TNNI3K: variants seen among roughly 807,000 people sequenced by gnomAD.
TNNI3K encodes the protein serine/threonine-protein kinase TNNI3K.
TNNI3K carries 140 observed loss-of-function variants against 114.5 expected under a neutral mutation model. The ratio of observed to expected loss-of-function variants is 1.22; its 90% CI spans 1.07 to 1.41. The LOEUF is 1.41. TNNI3K is among the 40% of genes most tolerant of loss of function. The pLI, the probability that TNNI3K is intolerant of heterozygous loss-of-function variation, is 0.00. For missense variants in TNNI3K, 1,125 were observed against 1,007.6 expected, an observed-to-expected ratio of 1.12 and a Z score of -1.58; for synonymous variants, 347 against 347.5, an observed-to-expected ratio of 1.00 and a Z score of 0.02.
At chr1:74,437,308 C>T (rs1344167263) in intron 19 of TNNI3K, among the ~76,000 whole-genome samples, 3 of 152,064 alleles carry the variant, frequency 2.0e-5, no homozygotes, top group Non-Finnish European at 4.4e-5. Flanking sequence ...AACTCCAGTC[C>T]TCTCTTCTTG....
At chr1:74,367,037 C>T (rs1294101368) in intron 11 of TNNI3K, among the ~76,000 whole-genome samples, 1 of 151,988 alleles carries the variant, frequency 6.6e-6, no homozygotes, top group Admixed American at 6.6e-5. Flanking sequence ...CACCAGTACC[C>T]ATTCCCAGTA....
intron 21 of TNNI3K, among the ~76,000 whole-genome samples, chr1:74,478,769 T>C (rs1394769834): frequency 6.6e-6 from 1 of 152,236 alleles, no homozygotes; most frequent in African/African-American, 2.4e-5. Context: ...TGTGTTTTTA[T>C]TGGGATATCT....
intron 17 of TNNI3K, among the ~76,000 whole-genome samples, chr1:74,395,664 C>T (rs915831507): frequency 6.6e-6 from 1 of 152,130 alleles, no homozygotes; most frequent in African/African-American, 2.4e-5. Context: ...TATGTCCTCC[C>T]ACAAGGGAAA....
At position 74,540,276 on chromosome 1, in the gene TNNI3K, G is replaced by A. The variant is rs201613442; in HGVS notation, c.2394G>A (p.Met798Ile). 6.2e-7 allele frequency: 1 copy of A among 1,612,744 alleles called. No homozygotes were observed. Among genetic ancestry groups the A allele is most frequent in the Non-Finnish European group, 8.5e-7 (1 of 1,179,224 alleles). ...YSSQGLSLEEMKRSLQYTPID... is the reference protein window; with the variant it reads ...YSSQGLSLEEIKRSLQYTPID... ...CTCAAGGTCTGTCTTTGGAGGAGAT[G>A]AAAAGAAGTCTTCAATACACACCCA... The change falls in exon 24 of 25, where the codon ATG (methionine) becomes ATA (isoleucine). Residue 798 changes from methionine (M) to isoleucine (I), a missense_variant. Coordinates refer to ENST00000326637, the MANE Select transcript of TNNI3K (RefSeq NM_015978.3).
At chr1:74,501,776 C>T (rs953549873) in intron 23 of TNNI3K, among the ~76,000 whole-genome samples, 88 of 152,078 alleles carry the variant, frequency 5.8e-4, no homozygotes, top group African/African-American at 2.0e-3. Flanking sequence ...CATGAGCCAC[C>T]GCATCCGGCC....
chr1:74,492,056 TG>T, intron 22 of TNNI3K, 40 bp from the exon 23 acceptor site: 1 of 1,452,602 alleles, frequency 6.9e-7, no homozygotes, highest in East Asian at 2.4e-5. Context: ...TCACACCTGT[TG>T]GAAGTATTAA....
At chr1:74,352,903 C>G (rs980938336) in intron 9 of TNNI3K, among the ~76,000 whole-genome samples, 1 of 152,284 alleles carries the variant, frequency 6.6e-6, no homozygotes, top group African/African-American at 2.4e-5. Flanking sequence ...ATTCCCTGAC[C>G]CTTTGCGCTT....
chr1:74,419,819 G>C (rs970380688), intron 17 of TNNI3K, among the ~76,000 whole-genome samples: 1 of 152,052 alleles, frequency 6.6e-6, no homozygotes, highest in Non-Finnish European at 1.5e-5. Context: ...AGCTAAATAT[G>C]CTTTCATTTA....
intron 17 of TNNI3K, among the ~76,000 whole-genome samples, chr1:74,433,640 G>A (rs531431522): frequency 8.0e-4 from 122 of 152,164 alleles, no homozygotes; most frequent in Admixed American, 2.0e-3. Context: ...AACTCTCATT[G>A]TCCTGTGTTC....
chr1:74,531,041 A>G (rs1646575973), intron 23 of TNNI3K, among the ~76,000 whole-genome samples: 1 of 152,118 alleles, frequency 6.6e-6, no homozygotes, highest in Admixed American at 6.5e-5. Flanking sequence ...GGAAGCTGAG[A>G]CCTTGGATAT....
intron 23 of TNNI3K, among the ~76,000 whole-genome samples, chr1:74,528,813 T>C (rs1415612583): frequency 1.3e-5 from 2 of 152,212 alleles, no homozygotes; most frequent in East Asian, 1.9e-4. Flanking sequence ...ACCTGGCACC[T>C]TGATCCTCAT....
At chr1:74,322,506 G>T (rs1659674256) in intron 5 of TNNI3K, among the ~76,000 whole-genome samples, 1 of 149,482 alleles carries the variant, frequency 6.7e-6, no homozygotes, top group Non-Finnish European at 1.5e-5. Context: ...TGTTGCCCAG[G>T]CTGGAGTGCA....
intron 23 of TNNI3K, among the ~76,000 whole-genome samples, chr1:74,499,219 AC>A (rs1302350277): frequency 6.6e-6 from 1 of 152,116 alleles, no homozygotes; most frequent in African/African-American, 2.4e-5. Context: ...TGAACACTTT[AC>A]CTAGAATTTT....
chr1:74,432,725 T>C (rs939133656), intron 17 of TNNI3K, among the ~76,000 whole-genome samples: 1 of 152,020 alleles, frequency 6.6e-6, no homozygotes, highest in African/African-American at 2.4e-5. Flanking sequence ...TGAAAACAGG[T>C]ATTTTGGGCA....
intron 4 of TNNI3K, among the ~76,000 whole-genome samples, chr1:74,268,696 T>C (rs1438341234): frequency 6.6e-6 from 1 of 151,878 alleles, no homozygotes; most frequent in Non-Finnish European, 1.5e-5. Flanking sequence ...ACAGAACTGC[T>C]CCAGTGCACA....
chr1:74,424,727 A>C (rs897300565), intron 17 of TNNI3K, among the ~76,000 whole-genome samples: 1 of 151,588 alleles, frequency 6.6e-6, no homozygotes, highest in African/African-American at 2.4e-5. Flanking sequence ...TCAAAAAAAA[A>C]AAAAAAAAGA....
At position 74,347,733 on chromosome 1, in the gene TNNI3K, G is replaced by A. The variant is rs540839233; in HGVS notation, c.932+4554G>A. Reference sequence around the variant, plus strand: ...TGGTATCTCATTGTGGTTTTGATTTGCATCTCTCTGATGGCCAGTGATGGT... The same window carrying A: ...TGGTATCTCATTGTGGTTTTGATTTACATCTCTCTGATGGCCAGTGATGGT... On this transcript the variant is annotated intron_variant, in intron 9 of 24. Transcript: ENST00000326637. Among the ~76,000 whole-genome samples the A allele has an allele frequency of 1.8e-4, 27 of 152,260 alleles. No homozygotes were observed. In the South Asian group the frequency reaches 2.9e-3, roughly 16 times the overall value.
At chr1:74,254,070 T>G (rs548644778) in intron 4 of TNNI3K, among the ~76,000 whole-genome samples, 28 of 152,250 alleles carry the variant, frequency 1.8e-4, no homozygotes, top group Non-Finnish European at 3.5e-4. Flanking sequence ...AATTTTAATA[T>G]TATTTCAAAC....
At chr1:74,491,336 C>T (rs1669063399) in intron 22 of TNNI3K, among the ~76,000 whole-genome samples, 1 of 152,210 alleles carries the variant, frequency 6.6e-6, no homozygotes, top group South Asian at 2.1e-4. Flanking sequence ...TCTCCTGCCT[C>T]AGCCTCCCCA....
Sources: allele counts gnomAD v4.1 joint callset (sites outside exome capture counted in the v4.1 genomes callset), GRCh38; gene constraint gnomAD v4.1.1; transcripts MANE v1.5; gene names NCBI Gene and HGNC (gene_info 2026-07-23, HGNC 2026-07-21).